CRTAC1: variants seen among roughly 807,000 people sequenced by gnomAD.
CRTAC1 encodes cartilage acidic protein 1, also known as acidic secreted protein in cartilage.
Under a neutral mutation model 67.8 loss-of-function variants are expected in CRTAC1, and 37 were observed. The observed-to-expected ratio is 0.55, with a 90% CI of 0.42 to 0.72. The LOEUF (loss-of-function observed/expected upper bound fraction) is 0.72. Among genes scored for constraint, CRTAC1 ranks in the 30% least tolerant of loss-of-function variants. The probability of loss-of-function intolerance (pLI) is 0.00; values close to 1 mark genes in which losing one functional copy is unlikely to be tolerated. For synonymous variants in CRTAC1, 348 were observed against 371.0 expected, an observed-to-expected ratio of 0.94 and a Z score of 0.71; for missense variants, 780 against 931.6, an observed-to-expected ratio of 0.84 and a Z score of 2.12.
At chr10:97,887,524 G>A (rs892209954) in intron 11 of CRTAC1, among the ~76,000 whole-genome samples, 11 of 152,208 alleles carry the variant, frequency 7.2e-5, no homozygotes, top group Middle Eastern at 3.2e-3. Flanking sequence ...GATTATAGGC[G>A]TGAGTCACCA....
At chr10:97,926,869 C>T (rs2050929302) in intron 3 of CRTAC1, among the ~76,000 whole-genome samples, 1 of 152,178 alleles carries the variant, frequency 6.6e-6, no homozygotes, top group Non-Finnish European at 1.5e-5. Flanking sequence ...TGCCTGGGAG[C>T]CTCTGAGGAT....
intron 5 of CRTAC1, 22 bp from the exon 6 acceptor site, chr10:97,908,169 A>C: frequency 6.2e-7 from 1 of 1,612,982 alleles, no homozygotes; most frequent in African/African-American, 1.3e-5. Context: ...ATCGACCCAC[A>C]GTGAGTGGCA....
At chr10:97,912,842 G>T (rs1234590787) in intron 5 of CRTAC1, among the ~76,000 whole-genome samples, 1 of 152,184 alleles carries the variant, frequency 6.6e-6, no homozygotes, top group East Asian at 1.9e-4. Flanking sequence ...CTCCAAGATT[G>T]CTACTAGCTT....
chr10:97,981,295 T>C (rs1206616986), intron 2 of CRTAC1, among the ~76,000 whole-genome samples: 2 of 152,206 alleles, frequency 1.3e-5, no homozygotes, highest in East Asian at 3.8e-4. Flanking sequence ...CTCTAAACCA[T>C]CCACCTAGGA....
intron 2 of CRTAC1, among the ~76,000 whole-genome samples, chr10:98,009,654 T>C (rs1325185802): frequency 6.6e-6 from 1 of 152,248 alleles, no homozygotes; most frequent in Non-Finnish European, 1.5e-5. Context: ...CAAAGCTTTC[T>C]ACTGTTACAT....
At position 97,889,252 on chromosome 10, in the gene CRTAC1, G is replaced by T. The variant is rs1211978620; in HGVS notation, c.1487-4901C>A. Among the ~76,000 whole-genome samples, 3 of 152,138 alleles carry T rather than the reference G, an allele frequency of 2.0e-5. No individual in the cohort carries two copies. The East Asian group carries it at 5.8e-4, about 29-fold the overall frequency. On this transcript the variant is annotated intron_variant, in intron 11 of 14. Coordinates refer to ENST00000370597, the MANE Select transcript of CRTAC1 (RefSeq NM_018058.7). ...TTGTTTTTATTTTCCGGGTTTGGGA[G>T]TGAGCTGCCTCAGCCCGCTGCCAGC...
intron 4 of CRTAC1, among the ~76,000 whole-genome samples, chr10:97,918,872 C>T (rs150321570): frequency 0.014 from 2,178 of 150,312 alleles, 53 homozygotes; most frequent in African/African-American, 0.05. Context: ...CAGCCTCCAC[C>T]TCCCAGGTTC....
At position 97,908,781 on chromosome 10, in the gene CRTAC1, G is replaced by T. The variant is rs576689745; in HGVS notation, c.716-634C>A. 2.6e-5 allele frequency among the ~76,000 whole-genome samples: 4 copies of T among 152,338 alleles called. No homozygotes were observed. The East Asian group carries it at 7.7e-4, about 29-fold the overall frequency. ...CTTGGAGGAGTGCCTGTGATATATGGTTGAAAGAATCAGCAATTCACCAAG... is the reference window on the plus strand; with the variant it reads ...CTTGGAGGAGTGCCTGTGATATATGTTTGAAAGAATCAGCAATTCACCAAG... On this transcript the variant is annotated intron_variant, in intron 5 of 14. Transcript: ENST00000370597.
At chr10:97,936,082 AAGGGCCAGGGTT>A (rs2051081730) in intron 3 of CRTAC1, 76 bp downstream of exon 3, 1 of 1,278,930 alleles carries the variant, frequency 7.8e-7, no homozygotes, top group Non-Finnish European at 1.1e-6. Context: ...TTGCCTGAGG[AAGGGCCAGGGTT>A]CCCATGGCCC....
chr10:98,021,489 A>G lies in CRTAC1; in HGVS notation c.24+8960T>C, dbSNP rs1431968421. 2.6e-5 allele frequency among the ~76,000 whole-genome samples: 4 copies of G among 152,332 alleles called. No individual in the cohort carries two copies. The East Asian group carries it at 5.8e-4, about 22-fold the overall frequency. On this transcript the variant is annotated intron_variant, in intron 1 of 14. Coordinates refer to ENST00000370597, the MANE Select transcript of CRTAC1 (RefSeq NM_018058.7). ...AGGACAAATGGAATCTCCTAGCCTT[A>G]TGCAGAAGTCACAGCAGGTTCTTAA...
At chr10:97,958,562 A>G (rs1182021941) in intron 2 of CRTAC1, among the ~76,000 whole-genome samples, 1 of 152,144 alleles carries the variant, frequency 6.6e-6, no homozygotes, top group East Asian at 1.9e-4. Flanking sequence ...AGAGTGGTTA[A>G]TTTGTTACAG....
At chr10:97,892,340 G>A (rs772473744) in intron 11 of CRTAC1, among the ~76,000 whole-genome samples, 5 of 152,228 alleles carry the variant, frequency 3.3e-5, no homozygotes, top group African/African-American at 1.2e-4. Context: ...TTTGCGAGGT[G>A]AGCCTCAATG....
chr10:97,879,614 G>A, intron 14 of CRTAC1: 1 of 1,513,374 alleles, frequency 6.6e-7, no homozygotes. Context: ...GAGACAAGCA[G>A]CAGGAGAGAG....
intron 2 of CRTAC1, among the ~76,000 whole-genome samples, chr10:97,957,214 C>G (rs1282090755): frequency 3.9e-5 from 6 of 152,186 alleles, no homozygotes; most frequent in African/African-American, 1.4e-4. Context: ...TTGGCAGTCT[C>G]TCTGGAGAGG....
chr10:98,012,647 G>T (rs563296), intron 1 of CRTAC1, among the ~76,000 whole-genome samples: 9 of 151,934 alleles, frequency 5.9e-5, no homozygotes, highest in African/African-American at 2.2e-4. Context: ...TGCTCCTGCC[G>T]GCAAATGAGC....
rs142330995 is a variant in CRTAC1 at position 97,878,982 on chromosome 10, C to T, written c.1819+1267G>A. 2.0e-3 allele frequency among the ~76,000 whole-genome samples: 306 copies of T among 152,302 alleles called. 2 individuals are homozygous for T. Among genetic ancestry groups the T allele is most frequent in the Middle Eastern group, 6.8e-3 (2 of 294 alleles). The stretch of plus-strand genomic sequence containing the variant: ...CACTGCTGGTGCCTGAGGGTGACAC[C>T]TGCTTTGTGTTATGATCTGCTTTCA... On this transcript the variant is annotated intron_variant, in intron 14 of 14. Transcript: ENST00000370597.
intron 13 of CRTAC1, 49 bp downstream of exon 13, chr10:97,882,737 G>A: frequency 1.2e-6 from 2 of 1,602,364 alleles, no homozygotes; most frequent in Non-Finnish European, 1.7e-6. Flanking sequence ...GCATTCCCCA[G>A]GGAGATTCCG....
chr10:97,904,890 G>T, intron 6 of CRTAC1, 76 bp from the exon 7 acceptor site: 1 of 1,449,864 alleles, frequency 6.9e-7, no homozygotes. Context: ...CTCTAGCTCT[G>T]TGACAAGCAA....
intron 5 of CRTAC1, among the ~76,000 whole-genome samples, chr10:97,910,988 A>G (rs1330671919): frequency 3.3e-5 from 5 of 152,200 alleles, no homozygotes; most frequent in African/African-American, 4.8e-5. Context: ...GATGGGAGCT[A>G]TGGAGTGGCA....
Sources: allele counts gnomAD v4.1 joint callset (sites outside exome capture counted in the v4.1 genomes callset), GRCh38; gene constraint gnomAD v4.1.1; transcripts MANE v1.5; gene names NCBI Gene and HGNC (gene_info 2026-07-23, HGNC 2026-07-21).